CEP126: variants seen among roughly 807,000 people sequenced by gnomAD.
CEP126 encodes the protein centrosomal protein of 126 kDa.
CEP126 carries 74 observed loss-of-function variants against 107.8 expected under a neutral mutation model. That is an observed-to-expected ratio of 0.69 (90% CI 0.57 to 0.83). The LOEUF (loss-of-function observed/expected upper bound fraction) is 0.83. Ranked by LOEUF, CEP126 falls within the 40% of genes least tolerant of loss-of-function variation. CEP126 has a pLI of 0.00. For synonymous variants in CEP126, 449 were observed against 446.0 expected, an observed-to-expected ratio of 1.01 and a Z score of -0.08; for missense variants, 1,237 against 1,281.9, an observed-to-expected ratio of 0.96 and a Z score of 0.53.
At chr11:101,958,093 G>C (rs1940923186) in intron 4 of CEP126, 75 bp from the exon 5 acceptor site, 1 of 1,212,220 alleles carries the variant, frequency 8.2e-7, no homozygotes, top group Non-Finnish European at 1.2e-6. Flanking sequence ...TACACCTAAT[G>C]TGTCATGTAT....
chr11:101,915,363 C>G lies in CEP126; in HGVS notation c.79C>G (p.Pro27Ala). The change falls in exon 1 of 11, where the codon CCC (proline) becomes GCC (alanine). Residue 27 changes from proline (P) to alanine (A), a missense_variant. Coordinates refer to ENST00000263468, the MANE Select transcript of CEP126 (RefSeq NM_020802.4). Reference protein sequence around the residue: ...TESSDNLDRAPLGPRESGGHH... With the variant: ...TESSDNLDRAALGPRESGGHH... ...ATCATCGGACAACCTCGACAGAGCC[C>G]CCCTCGGCCCTCGGGAGAGCGGCGG... 1 of 1,613,962 alleles carries G rather than the reference C, an allele frequency of 6.2e-7. No individual in the cohort carries two copies. The highest frequency in any genetic ancestry group is 1.1e-5 in the South Asian group (1 of 91,080).
chr11:101,923,770 G>A (rs888231364), intron 2 of CEP126, among the ~76,000 whole-genome samples: 2 of 152,108 alleles, frequency 1.3e-5, no homozygotes, highest in East Asian at 1.9e-4. Flanking sequence ...AAGAGTAATG[G>A]ACTTTGGAGT....
rs1941460518 is a variant in CEP126, at chr11:101,997,778, T to A, written c.*135T>A. On this transcript the variant is annotated 3_prime_UTR_variant, in exon 11 of 11. Transcript: ENST00000263468. ...AACATTTGTCCTAACTCAGATTTTG[T>A]GAGCAGTGAAGTTTAACAGAGCAGT... 2 of 1,261,524 alleles carry A rather than the reference T, an allele frequency of 1.6e-6. No individual in the cohort carries two copies. Among genetic ancestry groups the A allele is most frequent in the African/African-American group, 3.0e-5 (2 of 67,036 alleles). 78.1% of individuals were successfully genotyped at this position (1,261,524 alleles called of 1,614,324 possible).
chr11:101,931,962 C>T (rs972338487), intron 2 of CEP126, among the ~76,000 whole-genome samples: 2 of 152,186 alleles, frequency 1.3e-5, no homozygotes, highest in African/African-American at 2.4e-5. Flanking sequence ...AGGTGCTCTA[C>T]ATGTTTCATG....
chr11:101,951,032 G>A (rs1214194917), intron 4 of CEP126, among the ~76,000 whole-genome samples: 1 of 152,150 alleles, frequency 6.6e-6, no homozygotes, highest in African/African-American at 2.4e-5. Context: ...GATCCTTACT[G>A]CCTAAACCAG....
intron 2 of CEP126, among the ~76,000 whole-genome samples, chr11:101,939,437 G>A (rs542712773): frequency 1.3e-5 from 2 of 152,236 alleles, no homozygotes; most frequent in African/African-American, 2.4e-5. Context: ...TGATATTAAT[G>A]TAGTCAAATA....
chr11:101,990,870 A>G (rs1006008108), intron 9 of CEP126, among the ~76,000 whole-genome samples: 3 of 152,152 alleles, frequency 2.0e-5, no homozygotes, highest in Non-Finnish European at 2.9e-5. Flanking sequence ...GGAATTTGAA[A>G]TTAGTAATGT....
At chr11:101,930,276 G>A (rs1273455071) in intron 2 of CEP126, among the ~76,000 whole-genome samples, 1 of 151,884 alleles carries the variant, frequency 6.6e-6, no homozygotes, top group Non-Finnish European at 1.5e-5. Flanking sequence ...TGAACTATTT[G>A]CATATAATCT....
intron 4 of CEP126, chr11:101,955,747 G>C (rs1337969315): frequency 7.8e-6 from 3 of 382,734 alleles, no homozygotes; most frequent in East Asian, 7.3e-5. Context: ...TCTTAATAAG[G>C]CTGTCTCTCT....
intron 8 of CEP126, among the ~76,000 whole-genome samples, chr11:101,986,151 T>A (rs981734847): frequency 6.6e-6 from 1 of 151,956 alleles, no homozygotes; most frequent in African/African-American, 2.4e-5. Flanking sequence ...CCTGGCTAAT[T>A]TTTGTATTTT....
intron 9 of CEP126, among the ~76,000 whole-genome samples, chr11:101,987,490 C>T (rs1237922754): frequency 1.2e-4 from 19 of 152,006 alleles, no homozygotes; most frequent in Admixed American, 1.2e-3. Flanking sequence ...ATATTTAACT[C>T]ATGGGGTGAA....
intron 6 of CEP126, among the ~76,000 whole-genome samples, chr11:101,977,454 A>G (rs535492185): frequency 1.7e-3 from 261 of 152,012 alleles, no homozygotes; most frequent in African/African-American, 5.9e-3. Flanking sequence ...AACATGGTGA[A>G]ACCCCGTCTC....
rs755734645 is a variant in CEP126 at position 101,963,499 on chromosome 11, C to G, written c.2464C>G (p.Gln822Glu). The G allele has an allele frequency of 1.2e-6, 2 of 1,614,042 alleles. No individual in the cohort carries two copies. Among genetic ancestry groups the G allele is most frequent in the South Asian group, 2.2e-5 (2 of 91,036 alleles). The change falls in exon 6 of 11, where the codon CAA becomes GAA. Residue 822 changes from glutamine (Q) to glutamate (E), a missense_variant. Physicochemically the swap from Gln to Glu is conservative, Grantham distance 29 (BLOSUM62 2). Coordinates refer to ENST00000263468, the MANE Select transcript of CEP126 (RefSeq NM_020802.4). ...SGKNIQVSQC[Q>E]PVTPENPQNI... is the part of the protein sequence containing the mutation. ...TAAAAATATACAAGTGTCTCAGTGT[C>G]AACCAGTAACTCCTGAAAATCCTCA...
At chr11:101,938,050 G>C (rs1940611303) in intron 2 of CEP126, among the ~76,000 whole-genome samples, 1 of 150,994 alleles carries the variant, frequency 6.6e-6, no homozygotes, top group Admixed American at 6.6e-5. Context: ...CTACTCGGGA[G>C]GCTGAGGCAG....
At chr11:101,959,516 C>T (rs1940946020) in intron 5 of CEP126, among the ~76,000 whole-genome samples, 1 of 152,142 alleles carries the variant, frequency 6.6e-6, no homozygotes, top group Non-Finnish European at 1.5e-5. Flanking sequence ...ACAATGTCAG[C>T]ATTCAATCAA....
chr11:101,952,991 G>T (rs564336704), intron 4 of CEP126, among the ~76,000 whole-genome samples: 4 of 152,276 alleles, frequency 2.6e-5, no homozygotes, highest in East Asian at 1.9e-4. Context: ...CAGTTGAGGG[G>T]CTAGTTTTTG....
At chr11:101,959,399 C>T (rs1046130342) in intron 5 of CEP126, among the ~76,000 whole-genome samples, 17 of 152,048 alleles carry the variant, frequency 1.1e-4, no homozygotes, top group East Asian at 9.7e-4. Context: ...ATGATCCGCC[C>T]GCCTCAGCCT....
chr11:101,960,172 TA>T (rs34182420), intron 5 of CEP126, among the ~76,000 whole-genome samples: 78,447 of 151,906 alleles, frequency 0.52, 20,760 homozygotes, highest in East Asian at 0.78. Context: ...GACGGACCGC[TA>T]AATGTAACTT....
chr11:101,919,217 A>G (rs993606357), intron 1 of CEP126, among the ~76,000 whole-genome samples: 1 of 152,172 alleles, frequency 6.6e-6, no homozygotes, highest in Non-Finnish European at 1.5e-5. Flanking sequence ...TACCTGAGTT[A>G]AGGGAGAGGA....
Sources: gnomAD v4.1 joint callset for allele counts (sites outside exome capture counted in the v4.1 genomes callset) on GRCh38, gnomAD v4.1.1 for gene constraint, MANE v1.5 for transcripts, NCBI Gene and HGNC (gene_info 2026-07-23, HGNC 2026-07-21) for gene names.